The following TMEM108 variants were observed in gnomAD, a reference collection of about 807,000 sequenced individuals.
TMEM108 encodes the protein transmembrane protein 108.
TMEM108 carries 12 observed loss-of-function variants against 35.1 expected under a neutral mutation model. The ratio of observed to expected loss-of-function variants is 0.34; its 90% CI spans 0.22 to 0.55. The LOEUF (loss-of-function observed/expected upper bound fraction) is 0.55. Ranked by LOEUF, TMEM108 falls within the 20% of genes least tolerant of loss-of-function variation. The pLI is 0.89. For missense variants in TMEM108, 680 were observed against 753.3 expected (o/e 0.90, Z 1.14); for synonymous variants, 287 against 308.6 (o/e 0.93, Z 0.73).
At chr3:133,237,944 C>T (rs950874413) in intron 3 of TMEM108, among the ~76,000 whole-genome samples, 1 of 152,092 alleles carries the variant, frequency 6.6e-6, no homozygotes, top group Non-Finnish European at 1.5e-5. Context: ...GGGGAGTCCT[C>T]AATAAATTTT....
intron 3 of TMEM108, among the ~76,000 whole-genome samples, chr3:133,272,325 G>T (rs1296909806): frequency 2.1e-5 from 3 of 140,906 alleles, no homozygotes; most frequent in Non-Finnish European, 4.6e-5. Context: ...CCTAAAGGAG[G>T]ACTTATTTTA....
chr3:133,122,978 A>T (rs762175300), intron 2 of TMEM108, among the ~76,000 whole-genome samples: 6 of 152,192 alleles, frequency 3.9e-5, no homozygotes, highest in Non-Finnish European at 5.9e-5. Context: ...ACCACTGTTA[A>T]GTCTCTGCAA....
intron 2 of TMEM108, among the ~76,000 whole-genome samples, chr3:133,201,887 A>T (rs1474603037): frequency 1.3e-5 from 2 of 152,042 alleles, no homozygotes; most frequent in Non-Finnish European, 2.9e-5. Flanking sequence ...CTGTCTTCCA[A>T]ATGGTTGAAT....
rs1361406537 is a variant in TMEM108, at chr3:133,397,627, CTGTT to C, written c.*1645_*1648del. On this transcript the variant is annotated 3_prime_UTR_variant, in exon 6 of 6. Coordinates refer to ENST00000321871, the MANE Select transcript of TMEM108 (RefSeq NM_023943.4). Reference sequence around the variant, plus strand: ...TGTGTGTAAGTATACAGAGAAAAATCTGTTTGTAAAGTAAAATTTATATATAATA... The same window carrying C: ...TGTGTGTAAGTATACAGAGAAAAATCTGTAAAGTAAAATTTATATATAATA... 1.3e-5 allele frequency: 2 copies of C among 151,528 alleles called. No individual in the cohort carries two copies. Among genetic ancestry groups the C allele is most frequent in the Admixed American group, 6.6e-5 (1 of 15,262 alleles). The allele number at this position is 151,528 out of a possible 1,614,324, so 9.4% of individuals were successfully genotyped here.
At chr3:133,238,234 GT>G (rs1238165249) in intron 3 of TMEM108, among the ~76,000 whole-genome samples, 1 of 152,084 alleles carries the variant, frequency 6.6e-6, no homozygotes, top group African/African-American at 2.4e-5. Context: ...ACATGTGCTT[GT>G]TTTCTTTTTG....
intron 2 of TMEM108, among the ~76,000 whole-genome samples, chr3:133,110,789 T>C (rs776105639): frequency 1.3e-5 from 2 of 152,238 alleles, no homozygotes; most frequent in African/African-American, 2.4e-5. Context: ...GAATCTCCTA[T>C]AGGCTTTGTT....
chr3:133,121,520 C>T (rs961896164), intron 2 of TMEM108, among the ~76,000 whole-genome samples: 19 of 152,272 alleles, frequency 1.2e-4, no homozygotes, highest in Admixed American at 7.2e-4. Flanking sequence ...CATTTTGATT[C>T]GTTCTTTCAT....
intron 2 of TMEM108, among the ~76,000 whole-genome samples, chr3:133,063,373 A>G (rs530462056): frequency 2.0e-5 from 3 of 152,224 alleles, no homozygotes; most frequent in African/African-American, 7.2e-5. Context: ...TACAGAAGAA[A>G]GGAGGGACAG....
chr3:133,121,345 A>G (rs1202916791), intron 2 of TMEM108, among the ~76,000 whole-genome samples: 2 of 152,114 alleles, frequency 1.3e-5, no homozygotes, highest in Admixed American at 1.3e-4. Flanking sequence ...ATAAACACCA[A>G]CTCCTAATTT....
chr3:133,167,110 A>C (rs552850607), intron 2 of TMEM108, among the ~76,000 whole-genome samples: 102 of 152,322 alleles, frequency 6.7e-4, no homozygotes, highest in African/African-American at 2.4e-3. Flanking sequence ...TCCTTTAGCT[A>C]GACATAAAAG....
chr3:133,309,682 CTTTTTTTTTTTTTTT>C lies in TMEM108; in HGVS notation c.41-70048_41-70034del, dbSNP rs148272827. Among the ~76,000 whole-genome samples, 383 of 69,176 alleles carry C rather than the reference CTTTTTTTTTTTTTTT, an allele frequency of 5.5e-3. 4 individuals carry two copies. Among genetic ancestry groups the C allele is most frequent in the African/African-American group, 0.021 (356 of 17,076 alleles). 45.4% of individuals were successfully genotyped at this position (69,176 alleles called of 152,430 possible). A position where few individuals can be genotyped will look rare whatever the true frequency, so the allele number is the denominator to read the frequency against. Reference sequence around the variant, plus strand: ...TAGTTATGCGGGTTTGAGTGAGTTTCTTTTTTTTTTTTTTTTTTTTTTTTTTTTTTTTTTTTGAGA... The same window carrying C: ...TAGTTATGCGGGTTTGAGTGAGTTTCTTTTTTTTTTTTTTTTTTTTTGAGA... On this transcript the variant is annotated intron_variant, in intron 3 of 5. Transcript: ENST00000321871.
At chr3:133,098,692 G>A (rs572987835) in intron 2 of TMEM108, among the ~76,000 whole-genome samples, 1 of 152,168 alleles carries the variant, frequency 6.6e-6, no homozygotes, top group Non-Finnish European at 1.5e-5. Flanking sequence ...AAACAAAGGG[G>A]TTACAGGGTC....
intron 2 of TMEM108, among the ~76,000 whole-genome samples, chr3:133,140,426 A>G (rs1944625505): frequency 1.3e-5 from 2 of 152,228 alleles, no homozygotes; most frequent in East Asian, 3.8e-4. Flanking sequence ...TTGAAAGATC[A>G]TATCAACAGA....
At chr3:133,229,441 G>C in intron 3 of TMEM108, 90 bp downstream of exon 3, 1 of 1,239,164 alleles carries the variant, frequency 8.1e-7, no homozygotes. Context: ...ACGGAGACCA[G>C]GGTTGGATCG....
At chr3:133,196,928 C>T (rs1945586819) in intron 2 of TMEM108, among the ~76,000 whole-genome samples, 1 of 152,168 alleles carries the variant, frequency 6.6e-6, no homozygotes, top group Non-Finnish European at 1.5e-5. Context: ...TCCCTGCTAC[C>T]AGTAAGAGAG....
intron 3 of TMEM108, among the ~76,000 whole-genome samples, chr3:133,367,370 G>A (rs902958937): frequency 6.6e-6 from 1 of 152,220 alleles, no homozygotes; most frequent in Non-Finnish European, 1.5e-5. Context: ...AGTGGAGGAG[G>A]GAAAAGGAGA....
intron 3 of TMEM108, among the ~76,000 whole-genome samples, chr3:133,293,679 A>C (rs1947104130): frequency 6.6e-6 from 1 of 152,056 alleles, no homozygotes; most frequent in African/African-American, 2.4e-5. Flanking sequence ...GTCAAGCATG[A>C]GCATTCTTTG....
intron 3 of TMEM108, among the ~76,000 whole-genome samples, chr3:133,373,161 G>T (rs2072726880): frequency 6.6e-6 from 1 of 152,008 alleles, no homozygotes. Flanking sequence ...GAACCCAGGA[G>T]GTGGAGACCA....
chr3:133,039,374 G>A (rs1042727253), intron 1 of TMEM108, among the ~76,000 whole-genome samples: 3 of 152,162 alleles, frequency 2.0e-5, no homozygotes, highest in Non-Finnish European at 4.4e-5. Flanking sequence ...GGAAGGCAGG[G>A]TCTAAACTAA....
Sources: gnomAD v4.1 joint callset for allele counts (sites outside exome capture counted in the v4.1 genomes callset) on GRCh38, gnomAD v4.1.1 for gene constraint, MANE v1.5 for transcripts, NCBI Gene and HGNC (gene_info 2026-07-23, HGNC 2026-07-21) for gene names.